KIAA1328: variants seen among roughly 807,000 people sequenced by gnomAD.
KIAA1328 encodes the protein KIAA1328.
A neutral mutation model predicts 68.1 loss-of-function variants in KIAA1328; 52 were observed. The observed-to-expected ratio is 0.76, with a 90% CI of 0.61 to 0.96. The LOEUF (loss-of-function observed/expected upper bound fraction) is 0.96. Among genes scored for constraint, KIAA1328 ranks in the 40% least tolerant of loss-of-function variants. KIAA1328 has a pLI of 0.00. For synonymous variants in KIAA1328, 232 were observed against 239.4 expected, an observed-to-expected ratio of 0.97 and a Z score of 0.28; for missense variants, 641 against 677.6, an observed-to-expected ratio of 0.95 and a Z score of 0.60.
At chr18:36,831,762 A>AACTCAGC (rs1283912455) in intron 1 of KIAA1328, among the ~76,000 whole-genome samples, 1 of 152,188 alleles carries the variant, frequency 6.6e-6, no homozygotes, top group African/African-American at 2.4e-5. Flanking sequence ...TTGCTGGCAA[A>AACTCAGC]ACTCAGCAGA....
At chr18:37,231,950 A>G (rs992092455), downstream of KIAA1328, 1 of 152,216 alleles carries the variant, frequency 6.6e-6, no homozygotes, top group South Asian at 2.1e-4. Context: ...TGAACTTCAC[A>G]GCTCTGGTTT....
chr18:36,843,276 A>AT (rs1478609906), intron 3 of KIAA1328, among the ~76,000 whole-genome samples: 3 of 151,760 alleles, frequency 2.0e-5, no homozygotes, highest in Non-Finnish European at 4.4e-5. Flanking sequence ...TCTTTTCTCC[A>AT]TTTTTTTCCC....
intron 4 of KIAA1328, among the ~76,000 whole-genome samples, chr18:36,880,867 G>A (rs1253676951): frequency 6.6e-6 from 1 of 152,128 alleles, no homozygotes; most frequent in Non-Finnish European, 1.5e-5. Context: ...TTAACATAGT[G>A]AAATACATAA....
chr18:37,106,279 T>A (rs2057773026), intron 7 of KIAA1328, among the ~76,000 whole-genome samples: 1 of 152,080 alleles, frequency 6.6e-6, no homozygotes, highest in South Asian at 2.1e-4. Context: ...AAAAGGCTAA[T>A]ACAGAGATAA....
intron 6 of KIAA1328, among the ~76,000 whole-genome samples, chr18:37,058,122 TA>T (rs1398780196): frequency 2.6e-5 from 4 of 152,124 alleles, no homozygotes; most frequent in Admixed American, 6.6e-5. Context: ...GGTTGTTCTG[TA>T]GGGGCTACAT....
At chr18:36,940,299 G>GAGTGC (rs1269636095) in intron 5 of KIAA1328, among the ~76,000 whole-genome samples, 1 of 152,208 alleles carries the variant, frequency 6.6e-6, no homozygotes, top group Non-Finnish European at 1.5e-5. Context: ...TCCACATCTA[G>GAGTGC]AGTGCGGCTC....
rs145453201 is a variant in KIAA1328, at chr18:37,119,767, A to G, written c.1233-40433A>G. On this transcript the variant is annotated intron_variant, in intron 7 of 9. Transcript: ENST00000280020. Reference sequence around the variant, plus strand: ...AAAATGACAGTGGTCATTTACAACAATAAGTATAGATTTGTGTTAATATAC... The same window carrying G: ...AAAATGACAGTGGTCATTTACAACAGTAAGTATAGATTTGTGTTAATATAC... Among the ~76,000 whole-genome samples, 205 of 152,266 alleles carry G rather than the reference A, an allele frequency of 1.3e-3. 1 individual carries two copies. Among genetic ancestry groups the G allele is most frequent in the African/African-American group, 4.7e-3 (195 of 41,558 alleles).
At chr18:37,142,412 G>A (rs1227153650) in intron 7 of KIAA1328, among the ~76,000 whole-genome samples, 2 of 151,930 alleles carry the variant, frequency 1.3e-5, no homozygotes, top group African/African-American at 2.4e-5. Context: ...GGCTGTTCTC[G>A]AACTCCTGAC....
chr18:37,160,133 T>G, intron 7 of KIAA1328, 67 bp from the exon 8 acceptor site: 2 of 1,291,112 alleles, frequency 1.5e-6, no homozygotes, highest in Non-Finnish European at 2.1e-6. Flanking sequence ...CATACTGAAT[T>G]TAAATATCTA....
At position 37,000,884 on chromosome 18, in the gene KIAA1328, G is replaced by A. The variant is rs150136757; in HGVS notation, c.576+41449G>A. On this transcript the variant is annotated intron_variant, in intron 6 of 9. Transcript: ENST00000280020. ...AACAAATCAAAACTTGTAGGATACA[G>A]CAAAAGCAGCACCAAGAGGGAATTT... 6.0e-4 allele frequency among the ~76,000 whole-genome samples: 91 copies of A among 152,108 alleles called. 2 individuals are homozygous for A. The East Asian group carries it at 9.1e-3, about 15-fold the overall frequency.
intron 7 of KIAA1328, among the ~76,000 whole-genome samples, chr18:37,075,881 A>G (rs150046595): frequency 6.7e-6 from 1 of 150,262 alleles, no homozygotes; most frequent in Non-Finnish European, 1.5e-5. Flanking sequence ...CAGAATAATA[A>G]TGGGAGACTT....
intron 6 of KIAA1328, among the ~76,000 whole-genome samples, chr18:37,048,485 C>T (rs2151652833): frequency 6.6e-6 from 1 of 152,208 alleles, no homozygotes; most frequent in South Asian, 2.1e-4. Context: ...TACAACCTGT[C>T]TATTTGCCTA....
intron 6 of KIAA1328, among the ~76,000 whole-genome samples, chr18:36,961,607 C>T (rs2051677318): frequency 6.6e-6 from 1 of 152,226 alleles, no homozygotes; most frequent in Non-Finnish European, 1.5e-5. Context: ...ATCAGACTAA[C>T]AGTGGATCCC....
chr18:36,837,073 T>C (rs534443918), intron 3 of KIAA1328, among the ~76,000 whole-genome samples: 14 of 152,278 alleles, frequency 9.2e-5, no homozygotes, highest in Non-Finnish European at 1.6e-4. Flanking sequence ...CATATACAAG[T>C]TTTTGTGTAG....
intron 7 of KIAA1328, among the ~76,000 whole-genome samples, chr18:37,071,978 C>T (rs1385930517): frequency 6.6e-6 from 1 of 152,090 alleles, no homozygotes; most frequent in Non-Finnish European, 1.5e-5. Context: ...AACAGAGTCT[C>T]TCATTGAGAA....
At chr18:37,029,419 G>T (rs527282554) in intron 6 of KIAA1328, among the ~76,000 whole-genome samples, 1 of 152,010 alleles carries the variant, frequency 6.6e-6, no homozygotes, top group Admixed American at 6.6e-5. Context: ...TGTCGCCCAG[G>T]CTGCAGTGCA....
intron 7 of KIAA1328, among the ~76,000 whole-genome samples, chr18:37,147,383 C>A (rs1485733626): frequency 6.6e-6 from 1 of 151,816 alleles, no homozygotes; most frequent in Non-Finnish European, 1.5e-5. Context: ...CATTTTGTTT[C>A]TTTTCACGTC....
intron 5 of KIAA1328, among the ~76,000 whole-genome samples, chr18:36,952,525 T>C (rs145634449): frequency 6.6e-6 from 1 of 152,318 alleles, no homozygotes; most frequent in East Asian, 1.9e-4. Context: ...GTAGATATTA[T>C]CCCCAGATGA....
At chr18:36,984,119 A>G (rs2052808288) in intron 6 of KIAA1328, among the ~76,000 whole-genome samples, 1 of 152,184 alleles carries the variant, frequency 6.6e-6, no homozygotes, top group Admixed American at 6.6e-5. Context: ...GATAAAGCTT[A>G]TATGAAAATT....
Sources: gnomAD v4.1 joint callset for allele counts (sites outside exome capture counted in the v4.1 genomes callset) on GRCh38, gnomAD v4.1.1 for gene constraint, MANE v1.5 for transcripts, NCBI Gene and HGNC (gene_info 2026-07-23, HGNC 2026-07-21) for gene names.